Variants in MLKL observed in about 807,000 individuals in gnomAD.
MLKL encodes the protein mixed lineage kinase domain-like protein.
In MLKL, 55 loss-of-function variants were observed where a neutral mutation model predicts 56.5. The ratio of observed to expected loss-of-function variants is 0.97; its 90% CI spans 0.78 to 1.22. The LOEUF (loss-of-function observed/expected upper bound fraction) is 1.22. MLKL is among the 50% of genes most tolerant of loss of function. The probability of loss-of-function intolerance (pLI) is 0.00; values close to 1 mark genes in which losing one functional copy is unlikely to be tolerated. For synonymous variants in MLKL, 251 were observed against 208.3 expected, an observed-to-expected ratio of 1.20 and a Z score of -1.76; for missense variants, 694 against 573.9, an observed-to-expected ratio of 1.21 and a Z score of -2.14.
intron 3 of MLKL, 100 bp downstream of exon 3, chr16:74,692,242 A>T: frequency 1.8e-6 from 2 of 1,101,792 alleles, no homozygotes; most frequent in African/African-American, 1.6e-5. Flanking sequence ...CCAGCACAGA[A>T]AATGGACAAA....
At chr16:74,690,523 C>A (rs964254851) in intron 4 of MLKL, among the ~76,000 whole-genome samples, 1 of 152,152 alleles carries the variant, frequency 6.6e-6, no homozygotes, top group African/African-American at 2.4e-5. Flanking sequence ...ATGGCTCACG[C>A]CTGTTATCCC....
chr16:74,695,739 T>C lies in MLKL; in HGVS notation c.19A>G (p.Ile7Val), dbSNP rs149379960. Residue 7 changes from isoleucine to valine, a missense_variant, in exon 2 of 11, where the codon ATT becomes GTT. Ile to Val is a conservative substitution (Grantham distance 29). Transcript: ENST00000308807. MENLKHIITLGQVIHKR... is the reference protein window; with the variant it reads MENLKHVITLGQVIHKR... ...TGGATGACCTGGCCAAGGGTGATAA[T>C]ATGCTTCAAATTTTCCATGCCTGGA... is the stretch of plus-strand genomic sequence containing the variant. 6 of 1,591,456 alleles carry C rather than the reference T, an allele frequency of 3.8e-6. No homozygotes were observed. Among genetic ancestry groups the C allele is most frequent in the Non-Finnish European group, 5.1e-6 (6 of 1,168,756 alleles).
Position 74,692,388 on chromosome 16 carries a change from T to C in MLKL, c.489A>G (p.Arg163=), listed in dbSNP as rs1212998029. ...TTTCTTTCATGTTGATTTCTAATCG[T>C]CTCAGTGAAGCTTCTATTTTTTCAT... ...RDNEKIEASL[R]RLEINMKEIK... Residue 163 remains arginine (R), a synonymous_variant, in exon 3 of 11, where the codon AGA becomes AGG. Transcript: ENST00000308807. 2.5e-6 allele frequency: 4 copies of C among 1,613,790 alleles called. No homozygotes were observed. The highest frequency in any genetic ancestry group is 2.2e-5 in the East Asian group (1 of 44,898).
In MLKL at chr16:74,675,367, T is replaced by C. The variant is rs766350576; in HGVS notation, c.1228A>G (p.Ile410Val). ...TCACATTCTTCACCTTGAAACGGGA[T>C]ATCTCCAGTGGCGATTTCCCAGAGG... ...IVLWEIATGDIPFQGCNSEKI... is the reference protein window; with the variant it reads ...IVLWEIATGDVPFQGCNSEKI... Residue 410 changes from isoleucine to valine, a missense_variant, in exon 9 of 11, where the codon ATC (isoleucine) becomes GTC (valine). Physicochemically the swap from Ile to Val is conservative, Grantham distance 29. Transcript: ENST00000308807. 1 of 1,614,160 alleles carries C rather than the reference T, an allele frequency of 6.2e-7. No homozygotes were observed.
At chr16:74,683,094 A>G (rs551118690) in intron 5 of MLKL, among the ~76,000 whole-genome samples, 147 of 152,240 alleles carry the variant, frequency 9.7e-4, no homozygotes, top group Middle Eastern at 3.4e-3. Context: ...GTGGAACACA[A>G]GGTCAGGAGT....
rs1452852630 is a variant in MLKL, at chr16:74,672,553, A to G, written c.1382-15T>C. 1 of 1,613,484 alleles carries G rather than the reference A, an allele frequency of 6.2e-7. No homozygotes were observed. The highest frequency in any genetic ancestry group is 8.5e-7 in the Non-Finnish European group (1 of 1,179,430). ...CTTTAAGATTTCTGTGGATGAATGA[A>G]CAGAAAATTAGACCAGGGTAGGCAG... On this transcript the variant is annotated splice_polypyrimidine_tract_variant and intron_variant, in intron 10 of 10. Transcript: ENST00000308807.
intron 6 of MLKL, among the ~76,000 whole-genome samples, chr16:74,680,402 T>C (rs1186821563): frequency 2.0e-5 from 3 of 152,216 alleles, no homozygotes; most frequent in Admixed American, 2.0e-4. Flanking sequence ...CAAGATTATA[T>C]AAAGGGAAAA....
chr16:74,674,997 G>A lies in MLKL; in HGVS notation c.1344C>T (p.Cys448=), dbSNP rs1164033183. ...PSELREIIDE[C]RAHDPSVRPS... ...GCCGCACAGAGGGATCATGGGCCCG[G>A]CACTCATCAATGATCTCCCGCAGCT... The change falls in exon 10 of 11, where the codon TGC becomes TGT. Residue 448 remains cysteine (C), a synonymous_variant. Coordinates refer to ENST00000308807, the MANE Select transcript of MLKL (RefSeq NM_152649.4). The A allele has an allele frequency of 6.2e-7, 1 of 1,614,174 alleles. No homozygotes were observed. The highest frequency in any genetic ancestry group is 8.5e-7 in the Non-Finnish European group (1 of 1,180,038).
At chr16:74,688,015 C>G (rs1015980827) in intron 4 of MLKL, among the ~76,000 whole-genome samples, 5 of 152,114 alleles carry the variant, frequency 3.3e-5, no homozygotes, top group South Asian at 2.1e-4. Flanking sequence ...TTAGTAGAGA[C>G]GGGTTTCACC....
intron 3 of MLKL, 67 bp downstream of exon 3, chr16:74,692,275 G>T: frequency 7.2e-7 from 1 of 1,388,204 alleles, no homozygotes; most frequent in Non-Finnish European, 1.0e-6. Flanking sequence ...GGGAGGCTGG[G>T]GTCCCAGTAA....
At chr16:74,687,101 G>A (rs1185260115) in intron 4 of MLKL, among the ~76,000 whole-genome samples, 1 of 151,670 alleles carries the variant, frequency 6.6e-6, no homozygotes, top group African/African-American at 2.4e-5. Flanking sequence ...TCAGCCTCCC[G>A]AATAGCTGGG....
chr16:74,677,804 T>A (rs571275402), intron 7 of MLKL: 1 of 152,326 alleles, frequency 6.6e-6, no homozygotes, highest in Non-Finnish European at 1.5e-5. Flanking sequence ...TCAGCCTCCT[T>A]AGGAGCTGGG....
At chr16:74,674,521 G>C (rs1015424255) in intron 10 of MLKL, among the ~76,000 whole-genome samples, 6 of 150,374 alleles carry the variant, frequency 4.0e-5, no homozygotes, top group African/African-American at 1.5e-4. Context: ...ACAGTGGCGT[G>C]ATCTTGGCTC....
intron 10 of MLKL, among the ~76,000 whole-genome samples, chr16:74,674,516 G>C (rs1434134881): frequency 6.7e-6 from 1 of 149,674 alleles, no homozygotes; most frequent in East Asian, 2.0e-4. Context: ...GTGGTACAGT[G>C]GCGTGATCTT....
In MLKL at chr16:74,675,097, C is replaced by G; in HGVS notation, c.1244G>C (p.Cys415Ser). The change falls in exon 10 of 11, where the codon TGT (cysteine) becomes TCT (serine). Residue 415 changes from cysteine to serine, a missense_variant. By Grantham distance (112) the Cys-to-Ser change is moderately radical. Coordinates refer to ENST00000308807, the MANE Select transcript of MLKL (RefSeq NM_152649.4). ...IATGDIPFQG[C>S]NSEKIRKLVA... ...CAGCTTGCGGATCTTCTCAGAATTA[C>G]AGCCTGGAAATGATAGCATGAGAGC... The G allele has an allele frequency of 6.2e-7, 1 of 1,614,022 alleles. No individual in the cohort carries two copies.
At chr16:74,681,520 G>A (rs966948026) in intron 6 of MLKL, among the ~76,000 whole-genome samples, 17 of 151,908 alleles carry the variant, frequency 1.1e-4, no homozygotes, top group African/African-American at 3.4e-4. Flanking sequence ...ACGGCCGGGC[G>A]CGGTGGCTCA....
intron 1 of MLKL, among the ~76,000 whole-genome samples, chr16:74,697,164 G>C (rs1328743365): frequency 6.6e-6 from 1 of 151,412 alleles, no homozygotes; most frequent in Non-Finnish European, 1.5e-5. Context: ...TGCAGTGCCA[G>C]CTTCCTACTC....
intron 1 of MLKL, among the ~76,000 whole-genome samples, chr16:74,698,985 C>T (rs1332738398): frequency 2.0e-5 from 3 of 151,840 alleles, no homozygotes; most frequent in Admixed American, 6.6e-5. Flanking sequence ...TGGTAGCAGG[C>T]GCCTGTAATC....
chr16:74,684,504 T>TC (rs1032630230), intron 5 of MLKL, among the ~76,000 whole-genome samples: 1 of 150,960 alleles, frequency 6.6e-6, no homozygotes, highest in Non-Finnish European at 1.5e-5. Flanking sequence ...TTTTTTTTTT[T>TC]GTTTGTTTGA....
Sources: gnomAD v4.1 joint callset for allele counts (sites outside exome capture counted in the v4.1 genomes callset) on GRCh38, gnomAD v4.1.1 for gene constraint, MANE v1.5 for transcripts, NCBI Gene and HGNC (gene_info 2026-07-23, HGNC 2026-07-21) for gene names.